DLGAP1: variants seen among roughly 807,000 people sequenced by gnomAD.
DLGAP1 encodes the protein disks large-associated protein 1.
A neutral mutation model predicts 90.8 loss-of-function variants in DLGAP1; 11 were observed. The ratio of observed to expected loss-of-function variants is 0.12; its 90% CI spans 0.08 to 0.20. The LOEUF is 0.20. Ranked by LOEUF, DLGAP1 falls within the 10% of genes least tolerant of loss-of-function variation. The pLI, the probability that DLGAP1 is intolerant of heterozygous loss-of-function variation, is 1.00. For missense variants in DLGAP1, 1,050 were observed against 1,333.8 expected, an observed-to-expected ratio of 0.79 and a Z score of 3.31; for synonymous variants, 558 against 540.7, an observed-to-expected ratio of 1.03 and a Z score of -0.44.
chr18:3,697,544 G>C (rs768095243), intron 7 of DLGAP1, among the ~76,000 whole-genome samples: 2 of 152,122 alleles, frequency 1.3e-5, no homozygotes, highest in African/African-American at 2.4e-5. Flanking sequence ...ATTGCACTGT[G>C]CTCTAAGAGA....
chr18:3,572,180 G>T (rs557358671), intron 8 of DLGAP1, among the ~76,000 whole-genome samples: 6 of 148,596 alleles, frequency 4.0e-5, no homozygotes, highest in Non-Finnish European at 7.4e-5. Flanking sequence ...CGGGATTCAA[G>T]CGGTTCTCCC....
intron 3 of DLGAP1, among the ~76,000 whole-genome samples, chr18:3,936,376 A>T (rs1297477599): frequency 6.6e-6 from 1 of 152,190 alleles, no homozygotes; most frequent in Non-Finnish European, 1.5e-5. Context: ...TGCCCCACAG[A>T]CCATGACATT....
intron 1 of DLGAP1, among the ~76,000 whole-genome samples, chr18:4,451,076 A>C (rs902948235): frequency 1.3e-5 from 2 of 152,208 alleles, no homozygotes; most frequent in Non-Finnish European, 2.9e-5. Flanking sequence ...AAAATAATAA[A>C]GCAACCAGGA....
At chr18:4,170,443 A>G (rs1255933660) in intron 1 of DLGAP1, among the ~76,000 whole-genome samples, 4 of 152,182 alleles carry the variant, frequency 2.6e-5, no homozygotes, top group Non-Finnish European at 4.4e-5. Context: ...AAATCCCTGA[A>G]GACAGGTGAG....
At chr18:4,331,761 G>A (rs2080957791) in intron 1 of DLGAP1, among the ~76,000 whole-genome samples, 1 of 151,924 alleles carries the variant, frequency 6.6e-6, no homozygotes, top group Admixed American at 6.6e-5. Flanking sequence ...TTCTTATCTA[G>A]AGCCTCTGCT....
chr18:3,683,681 G>T (rs1455542821), intron 7 of DLGAP1, among the ~76,000 whole-genome samples: 2 of 151,862 alleles, frequency 1.3e-5, no homozygotes, highest in Non-Finnish European at 2.9e-5. Context: ...AGGAAATGAG[G>T]CATTAAGCAA....
chr18:3,535,056 ATCT>A (rs776155170), intron 9 of DLGAP1, among the ~76,000 whole-genome samples: 5 of 145,674 alleles, frequency 3.4e-5, no homozygotes, highest in Non-Finnish European at 7.5e-5. Context: ...TAGAAGTCTC[ATCT>A]TCTCAATCTT....
chr18:3,669,998 G>C (rs1598282444), intron 7 of DLGAP1, among the ~76,000 whole-genome samples: 3 of 152,218 alleles, frequency 2.0e-5, no homozygotes, highest in Non-Finnish European at 4.4e-5. Context: ...GGTATGCGTA[G>C]TGAGGCACTG....
chr18:4,308,481 T>C (rs943014026), intron 1 of DLGAP1, among the ~76,000 whole-genome samples: 3 of 152,226 alleles, frequency 2.0e-5, no homozygotes, highest in Admixed American at 6.5e-5. Flanking sequence ...TTCAACTTCA[T>C]GGAAGATAAA....
intron 7 of DLGAP1, chr18:3,708,550 T>C (rs1239046132): frequency 6.6e-6 from 3 of 456,474 alleles, no homozygotes; most frequent in Admixed American, 2.3e-5. Flanking sequence ...TTCCTGCCTC[T>C]TCCTCTCCAA....
chr18:3,780,983 A>C (rs923137269), intron 5 of DLGAP1, among the ~76,000 whole-genome samples: 5 of 152,066 alleles, frequency 3.3e-5, no homozygotes, highest in South Asian at 2.1e-4. Context: ...CTAATTAAAA[A>C]AAATTTTTAA....
At chr18:3,508,745 C>A in intron 10 of DLGAP1, 84 bp from the exon 11 acceptor site, 2 of 1,138,580 alleles carry the variant, frequency 1.8e-6, no homozygotes, top group Admixed American at 4.1e-5. Flanking sequence ...GGAAGTTATG[C>A]TGTAATAATT....
At chr18:4,052,628 T>C (rs1004658936) in intron 2 of DLGAP1, among the ~76,000 whole-genome samples, 14 of 152,170 alleles carry the variant, frequency 9.2e-5, no homozygotes, top group Non-Finnish European at 1.9e-4. Flanking sequence ...CCCCATTGTT[T>C]GGTGATTAAC....
At chr18:3,889,887 G>T (rs1012192491) in intron 3 of DLGAP1, among the ~76,000 whole-genome samples, 2 of 152,230 alleles carry the variant, frequency 1.3e-5, no homozygotes, top group African/African-American at 4.8e-5. Context: ...GCCCTACAGA[G>T]GGAGTGTGTG....
At position 4,434,630 on chromosome 18, in the gene DLGAP1, G is replaced by C. The variant is rs143172044; in HGVS notation, c.-267+20376C>G. 2.1e-3 allele frequency among the ~76,000 whole-genome samples: 314 copies of C among 152,254 alleles called. 1 individual carries two copies. Among genetic ancestry groups the C allele is most frequent in the African/African-American group, 6.9e-3 (286 of 41,542 alleles). On this transcript the variant is annotated intron_variant, in intron 1 of 12. Transcript: ENST00000315677. ...GAGGAATGCTTCCTCTGCTGGTCCTGCAAGAGGCTGGTTCTTCTCAACCAA... is the reference window on the plus strand; with the variant it reads ...GAGGAATGCTTCCTCTGCTGGTCCTCCAAGAGGCTGGTTCTTCTCAACCAA...
chr18:3,821,643 T>C (rs561524532), intron 4 of DLGAP1, among the ~76,000 whole-genome samples: 7 of 152,148 alleles, frequency 4.6e-5, no homozygotes, highest in Admixed American at 6.5e-5. Flanking sequence ...CCTTACCAAG[T>C]ATTGTTTGCA....
intron 4 of DLGAP1, among the ~76,000 whole-genome samples, chr18:3,862,309 C>T: frequency 6.6e-6 from 1 of 152,154 alleles, no homozygotes; most frequent in Non-Finnish European, 1.5e-5. Flanking sequence ...TCCATCTGCA[C>T]CCAGATATTG....
intron 9 of DLGAP1, among the ~76,000 whole-genome samples, chr18:3,535,537 A>C (rs2052313157): frequency 6.6e-6 from 1 of 150,776 alleles, no homozygotes; most frequent in Non-Finnish European, 1.5e-5. Flanking sequence ...GAAACCCCGT[A>C]TCTACCAAAA....
Position 3,535,072 on chromosome 18 carries a change from C to G in DLGAP1, c.2058-457G>C, listed in dbSNP as rs1486172006. Among the ~76,000 whole-genome samples the G allele has an allele frequency of 8.3e-5, 12 of 144,758 alleles. No homozygotes were observed. In the South Asian group the frequency reaches 1.1e-3, roughly 13 times the overall value. The allele number at this position is 144,758 out of a possible 152,430, so 95.0% of individuals were successfully genotyped here. ...AGAAGTCTCATCTTCTCAATCTTCT[C>G]TGTGTGTGTGTGTGTGTGTGTGTGT... On this transcript the variant is annotated intron_variant, in intron 9 of 12. Transcript: ENST00000315677.
Sources: allele counts gnomAD v4.1 joint callset (sites outside exome capture counted in the v4.1 genomes callset), GRCh38; gene constraint gnomAD v4.1.1; transcripts MANE v1.5; gene names NCBI Gene and HGNC (gene_info 2026-07-23, HGNC 2026-07-21).